SETD7: variants seen among roughly 807,000 people sequenced by gnomAD.
The protein encoded by SETD7 is SET domain containing 7, histone lysine methyltransferase.
SETD7 carries 16 observed loss-of-function variants against 41.8 expected under a neutral mutation model. That is an observed-to-expected ratio of 0.38 (90% CI 0.26 to 0.58). The LOEUF is 0.58. SETD7 is among the 20% of genes least tolerant of loss of function. SETD7 has a pLI of 0.64. For missense variants in SETD7, 346 were observed against 459.7 expected, an observed-to-expected ratio of 0.75 and a Z score of 2.26; for synonymous variants, 163 against 169.7, an observed-to-expected ratio of 0.96 and a Z score of 0.31.
chr4:139,493,712 G>C (rs1464722827), downstream of SETD7, among the ~76,000 whole-genome samples: 1 of 151,922 alleles, frequency 6.6e-6, no homozygotes, highest in Non-Finnish European at 1.5e-5. Flanking sequence ...GCTACTTTTT[G>C]TATTTTTTGT....
chr4:139,534,475 C>T (rs569042207), intron 2 of SETD7, among the ~76,000 whole-genome samples: 240 of 152,146 alleles, frequency 1.6e-3, no homozygotes, highest in Middle Eastern at 6.8e-3. Flanking sequence ...GCAGCCTCGA[C>T]CTCCTGGGGC....
chr4:139,504,386 G>GTCTA (rs145291139), downstream of SETD7, among the ~76,000 whole-genome samples: 7 of 152,166 alleles, frequency 4.6e-5, no homozygotes, highest in South Asian at 2.1e-4. Context: ...CTGTCTATCT[G>GTCTA]TCTATCTATC....
Position 139,509,746 on chromosome 4 carries a change from C to T in SETD7, c.*1917G>A, listed in dbSNP as rs1395286756. ...GGCCCATCCGTCACAGTGTATAGAACGGTCTCTTTCTACAGAGTAAGAGTG... is the reference window on the plus strand; with the variant it reads ...GGCCCATCCGTCACAGTGTATAGAATGGTCTCTTTCTACAGAGTAAGAGTG... On this transcript the variant is annotated 3_prime_UTR_variant, in exon 8 of 8. Transcript: ENST00000274031. The T allele has an allele frequency of 1.0e-5, 10 of 985,468 alleles. No individual in the cohort carries two copies. The highest frequency in any genetic ancestry group is 1.1e-4 in the East Asian group (1 of 8,822). The allele number at this position is 985,468 out of a possible 1,614,324, so 61.0% of individuals were successfully genotyped here.
At position 139,555,582 on chromosome 4, in the gene SETD7, G is replaced by C. The variant is rs1049680639; in HGVS notation, c.40+516C>G. Among the ~76,000 whole-genome samples the C allele has an allele frequency of 6.6e-6, 1 of 152,066 alleles. No homozygotes were observed. The highest frequency in any genetic ancestry group is 1.5e-5 in the Non-Finnish European group (1 of 67,988). ...GCCGCGGCTGCCACGTGCCTGGTCT[G>C]GCCCCGTGCGCTGCGCCGGGGGACC... On this transcript the variant is annotated intron_variant, in intron 1 of 7. Transcript: ENST00000274031. The surrounding 1 kb of genome is among the most constrained non-coding windows in gnomAD (Gnocchi z 4.0).
At position 139,511,784 on chromosome 4, in the gene SETD7, G is replaced by C; in HGVS notation, c.980C>G (p.Ala327Gly). The C allele has an allele frequency of 6.2e-7, 1 of 1,614,134 alleles. No individual in the cohort carries two copies. Among genetic ancestry groups the C allele is most frequent in the Non-Finnish European group, 8.5e-7 (1 of 1,180,016 alleles). Residue 327 changes from alanine (A) to glycine (G), a missense_variant, in exon 8 of 8, where the codon GCC (alanine) becomes GGC (glycine). Ala to Gly is a moderately conservative substitution (Grantham distance 60). Around this residue, in one of 3 missense-constraint regions of SETD7, gnomAD observed 75 missense variants for 65.5 expected, o/e 1.14. Transcript: ENST00000274031. ...KCIRTLRAVEADEELTVAYGY... is the reference protein window; with the variant it reads ...KCIRTLRAVEGDEELTVAYGY... Reference sequence around the variant, plus strand: ...ATAGGCAACGGTGAGCTCTTCATCGGCCTCCACTGCTCTCAGGGTGCGGAT... The same window carrying C: ...ATAGGCAACGGTGAGCTCTTCATCGCCCTCCACTGCTCTCAGGGTGCGGAT...
intron 6 of SETD7, among the ~76,000 whole-genome samples, chr4:139,518,965 C>T (rs913092701): frequency 6.6e-6 from 1 of 152,188 alleles, no homozygotes; most frequent in African/African-American, 2.4e-5. Context: ...TCAAGGTATA[C>T]CATTTCCCCC....
intron 3 of SETD7, among the ~76,000 whole-genome samples, chr4:139,529,726 T>G (rs1362443565): frequency 6.6e-6 from 1 of 152,198 alleles, no homozygotes; most frequent in Non-Finnish European, 1.5e-5. Flanking sequence ...TCAGTTCAAA[T>G]GTACTTAAGA....
intron 7 of SETD7, among the ~76,000 whole-genome samples, chr4:139,512,068 C>T (rs1469950889): frequency 2.0e-5 from 3 of 152,122 alleles, no homozygotes; most frequent in African/African-American, 4.8e-5. Flanking sequence ...TGCATTTTAG[C>T]GACACCCCCA....
chr4:139,513,555 C>T (rs1347186115), intron 7 of SETD7, among the ~76,000 whole-genome samples: 1 of 152,026 alleles, frequency 6.6e-6, no homozygotes, highest in African/African-American at 2.4e-5. Flanking sequence ...TAAAAAGGAA[C>T]AACCTTTACC....
intron 6 of SETD7, 143 bp from the exon 7 acceptor site, chr4:139,518,185 G>T: frequency 1.2e-6 from 1 of 864,172 alleles, no homozygotes; most frequent in Non-Finnish European, 1.7e-6. Context: ...TGGAGCGCAA[G>T]TAGCGTGATC....
In SETD7 at chr4:139,556,094, G is replaced by C; in HGVS notation, c.40+4C>G. 1 of 1,601,294 alleles carries C rather than the reference G, an allele frequency of 6.2e-7. No individual in the cohort carries two copies. The highest frequency in any genetic ancestry group is 8.5e-7 in the Non-Finnish European group (1 of 1,174,716). On this transcript the variant is annotated splice_donor_region_variant and intron_variant, in intron 1 of 7. Coordinates refer to ENST00000274031, the MANE Select transcript of SETD7 (RefSeq NM_030648.4). ...CTCCCCCGGCCCCGGAGAAATGCTT[G>C]TACCTTCCACCGCCTCCTCCACCAT...
At chr4:139,547,903 TTTTAAG>T (rs1279553057) in intron 1 of SETD7, 2 of 152,250 alleles carry the variant, frequency 1.3e-5, no homozygotes, top group Non-Finnish European at 2.9e-5. Context: ...TTACATGGAC[TTTTAAG>T]TCACTGGTTA....
Position 139,509,024 on chromosome 4 carries a change from G to C in SETD7, c.*2639C>G, listed in dbSNP as rs1444012160. On this transcript the variant is annotated 3_prime_UTR_variant, in exon 8 of 8. Coordinates refer to ENST00000274031, the MANE Select transcript of SETD7 (RefSeq NM_030648.4). The stretch of plus-strand genomic sequence containing the variant: ...AGAGCCAGAGACATAAGCAAACAGA[G>C]AGGCACACACAGAGGAAAAGCCAGA... 6.5e-6 allele frequency: 1 copy of C among 152,842 alleles called. No homozygotes were observed. Among genetic ancestry groups the C allele is most frequent in the East Asian group, 1.9e-4 (1 of 5,210 alleles). 9.5% of individuals were successfully genotyped at this position (152,842 alleles called of 1,614,324 possible).
At chr4:139,494,752 G>C (rs1726421987), downstream of SETD7, among the ~76,000 whole-genome samples, 1 of 152,202 alleles carries the variant, frequency 6.6e-6, no homozygotes, top group Admixed American at 6.5e-5. Flanking sequence ...ATGGAATTCA[G>C]GAATTCTGAT....
intron 4 of SETD7, among the ~76,000 whole-genome samples, chr4:139,526,631 A>G (rs575484871): frequency 6.6e-6 from 1 of 152,250 alleles, no homozygotes; most frequent in Non-Finnish European, 1.5e-5. Context: ...AACTTTCATT[A>G]CAGTGTTTTA....
At chr4:139,551,500 T>C (rs1293724014) in intron 1 of SETD7, among the ~76,000 whole-genome samples, 2 of 152,150 alleles carry the variant, frequency 1.3e-5, no homozygotes, top group African/African-American at 4.8e-5. Flanking sequence ...TAGTTACTTC[T>C]GAGGGAGCTT....
At chr4:139,548,605 G>A (rs1416225718) in intron 1 of SETD7, among the ~76,000 whole-genome samples, 2 of 152,158 alleles carry the variant, frequency 1.3e-5, no homozygotes, top group African/African-American at 2.4e-5. Context: ...GCACTCCAGC[G>A]TGGGCAACAA....
intron 7 of SETD7, among the ~76,000 whole-genome samples, chr4:139,517,569 T>C (rs1299397444): frequency 6.6e-6 from 1 of 151,690 alleles, no homozygotes; most frequent in Non-Finnish European, 1.5e-5. Flanking sequence ...AATAACACTA[T>C]CTTTAATTGT....
At chr4:139,552,601 G>A (rs1185000793) in intron 1 of SETD7, among the ~76,000 whole-genome samples, 1 of 152,046 alleles carries the variant, frequency 6.6e-6, no homozygotes, top group Non-Finnish European at 1.5e-5. Flanking sequence ...CTCTCAGCCT[G>A]CTACCCAGCC....
Sources: allele counts gnomAD v4.1 joint callset (sites outside exome capture counted in the v4.1 genomes callset), GRCh38; gene constraint gnomAD v4.1.1; regional missense constraint gnomAD v4.1.1; non-coding constraint Gnocchi (gnomAD v3.1); transcripts MANE v1.5; gene names NCBI Gene and HGNC (gene_info 2026-07-23, HGNC 2026-07-21).